ENAH: variants seen among roughly 807,000 people sequenced by gnomAD.
ENAH encodes ENAH actin regulator, also known as protein enabled homolog.
A neutral mutation model predicts 78.7 loss-of-function variants in ENAH; 23 were observed. The ratio of observed to expected loss-of-function variants is 0.29; its 90% CI spans 0.21 to 0.41. The LOEUF (loss-of-function observed/expected upper bound fraction) is 0.41. Among genes scored for constraint, ENAH ranks in the 10% least tolerant of loss-of-function variants. ENAH has a pLI of 1.00. For synonymous variants in ENAH, 226 were observed against 241.0 expected, an observed-to-expected ratio of 0.94 and a Z score of 0.58; for missense variants, 544 against 691.0, an observed-to-expected ratio of 0.79 and a Z score of 2.39.
rs549904565 is a variant in ENAH at position 225,568,639 on chromosome 1, C to T, written c.6-1225G>A. ...AAAAATTTTAAACAATAAATCATGT[C>T]GGTTCTTTCCTAAAAATTCTCAAAC... On this transcript the variant is annotated intron_variant, in intron 1 of 13. Transcript: ENST00000366843. Among the ~76,000 whole-genome samples the T allele has an allele frequency of 1.1e-4, 16 of 152,282 alleles. No individual in the cohort carries two copies. The South Asian group carries it at 3.1e-3, about 30-fold the overall frequency.
chr1:225,532,161 C>CA (rs2096541165), intron 3 of ENAH, among the ~76,000 whole-genome samples: 1 of 151,964 alleles, frequency 6.6e-6, no homozygotes, highest in South Asian at 2.1e-4. Context: ...GATGTAAAAA[C>CA]AGACTCTCCT....
rs763594857 is a variant in ENAH, at chr1:225,519,249, A to C, written c.751T>G (p.Leu251Val). 2.5e-6 allele frequency: 4 copies of C among 1,613,898 alleles called. No homozygotes were observed. The South Asian group carries it at 4.4e-5, about 18-fold the overall frequency. ...TCCCATTCCAGCTGTTCCCTTTCTA[A>C]CTGCTCTTGTCGCTCCCTTTCTTGC... ...ERQERERQEQ[L>V]EREQLEWERE... The change falls in exon 5 of 14, where the codon TTA becomes GTA. Residue 251 changes from leucine (L) to valine (V), a missense_variant. By Grantham distance (32) the Leu-to-Val change is conservative. Transcript: ENST00000366843.
intron 3 of ENAH, among the ~76,000 whole-genome samples, chr1:225,537,779 T>A (rs1306230189): frequency 6.6e-6 from 1 of 151,746 alleles, no homozygotes; most frequent in East Asian, 1.9e-4. Flanking sequence ...CAAACAGCCA[T>A]CCTTCAGGCT....
intron 1 of ENAH, among the ~76,000 whole-genome samples, chr1:225,650,878 A>C (rs898094259): frequency 6.8e-6 from 1 of 146,560 alleles, no homozygotes; most frequent in Non-Finnish European, 1.5e-5. Flanking sequence ...AAAAAAAAAA[A>C]CTTTCCCTGT....
rs1038636002 is a variant in ENAH, at chr1:225,488,697, T to C, written c.*9078A>G. 1.3e-5 allele frequency: 2 copies of C among 152,196 alleles called. No individual in the cohort carries two copies. Among genetic ancestry groups the C allele is most frequent in the African/African-American group, 4.8e-5 (2 of 41,440 alleles). The allele number at this position is 152,196 out of a possible 1,614,324, so 9.4% of individuals were successfully genotyped here. The stretch of plus-strand genomic sequence containing the variant: ...AACGAAAAGCATGTCCTATTCATGC[T>C]AGCAAGAAATGAATCCCAAAGGACA... On this transcript the variant is annotated 3_prime_UTR_variant, in exon 14 of 14. Coordinates refer to ENST00000366843, the MANE Select transcript of ENAH (RefSeq NM_018212.6).
intron 1 of ENAH, among the ~76,000 whole-genome samples, chr1:225,593,796 C>T (rs1015704836): frequency 1.3e-5 from 2 of 152,140 alleles, no homozygotes; most frequent in African/African-American, 4.8e-5. Flanking sequence ...TCCTGTGCTT[C>T]TACAAAAGGT....
At chr1:225,573,854 T>C (rs1057266240) in intron 1 of ENAH, among the ~76,000 whole-genome samples, 17 of 152,334 alleles carry the variant, frequency 1.1e-4, no homozygotes, top group African/African-American at 4.1e-4. Flanking sequence ...TTCAGAAACA[T>C]GTCTTCATCA....
intron 1 of ENAH, among the ~76,000 whole-genome samples, chr1:225,568,561 T>A (rs977388731): frequency 6.6e-6 from 1 of 152,226 alleles, no homozygotes; most frequent in East Asian, 1.9e-4. Context: ...CTGAAGTAGC[T>A]CGTGCAACCA....
intron 4 of ENAH, among the ~76,000 whole-genome samples, chr1:225,526,845 CTT>C (rs1278824001): frequency 6.6e-6 from 1 of 152,148 alleles, no homozygotes; most frequent in Non-Finnish European, 1.5e-5. Context: ...AATTTCAACT[CTT>C]TGTTTTGGTC....
At chr1:225,596,337 C>G (rs558155011) in intron 1 of ENAH, among the ~76,000 whole-genome samples, 1 of 152,318 alleles carries the variant, frequency 6.6e-6, no homozygotes, top group African/African-American at 2.4e-5. Flanking sequence ...ACTGATCCTT[C>G]TACGAGTCAG....
At chr1:225,534,451 G>C (rs947099684) in intron 3 of ENAH, among the ~76,000 whole-genome samples, 1 of 150,624 alleles carries the variant, frequency 6.6e-6, no homozygotes, top group Non-Finnish European at 1.5e-5. Flanking sequence ...TTTGCAACAC[G>C]TACTTCTTTG....
In ENAH at chr1:225,498,549, AG is replaced by A. The variant is rs1276483123; in HGVS notation, c.1618-146del. The A allele has an allele frequency of 6.8e-6, 4 of 584,224 alleles. No homozygotes were observed. In the African/African-American group the frequency reaches 7.8e-5, roughly 11 times the overall value. 36.2% of individuals were successfully genotyped at this position (584,224 alleles called of 1,614,324 possible). ...CCACAATTCTATTTCTTGGAAGACT[AG>A]CCTTGGTGAATTTTGTTTTAATATT... On this transcript the variant is annotated intron_variant, in intron 12 of 13. Transcript: ENST00000366843.
chr1:225,505,682 A>G (rs1410924337), intron 11 of ENAH, among the ~76,000 whole-genome samples: 1 of 152,240 alleles, frequency 6.6e-6, no homozygotes, highest in Admixed American at 6.5e-5. Context: ...AAGAAAAGCA[A>G]TATAGTTCTT....
chr1:225,489,544 T>C lies in ENAH; in HGVS notation c.*8231A>G, dbSNP rs745799202. On this transcript the variant is annotated 3_prime_UTR_variant, in exon 14 of 14. Transcript: ENST00000366843. ...ATGGGAGAGCCAAACTCAGATCTTTTTTCTCCTTCTCTTCAAAGATCAAAA... is the reference window on the plus strand; with the variant it reads ...ATGGGAGAGCCAAACTCAGATCTTTCTTCTCCTTCTCTTCAAAGATCAAAA... 6.6e-6 allele frequency: 1 copy of C among 152,112 alleles called. No individual in the cohort carries two copies. Among genetic ancestry groups the C allele is most frequent in the Non-Finnish European group, 1.5e-5 (1 of 68,040 alleles). 9.4% of individuals were successfully genotyped at this position (152,112 alleles called of 1,614,324 possible).
chr1:225,583,571 G>A (rs1198026511), intron 1 of ENAH, among the ~76,000 whole-genome samples: 2 of 152,082 alleles, frequency 1.3e-5, no homozygotes, highest in Admixed American at 6.5e-5. Context: ...AGCATTTTGG[G>A]AAGCAGAGGC....
intron 10 of ENAH, among the ~76,000 whole-genome samples, chr1:225,509,327 G>A (rs1340953972): frequency 6.6e-6 from 1 of 152,194 alleles, no homozygotes; most frequent in Non-Finnish European, 1.5e-5. Flanking sequence ...CGGGTGGAAG[G>A]ATGAGGGAGT....
intron 2 of ENAH, among the ~76,000 whole-genome samples, chr1:225,562,593 A>C (rs1389510942): frequency 4.0e-5 from 6 of 148,980 alleles, no homozygotes; most frequent in South Asian, 2.1e-4. Flanking sequence ...AAAAAAAAAA[A>C]AAAAAAAAAC....
intron 2 of ENAH, among the ~76,000 whole-genome samples, chr1:225,556,110 T>C (rs1404819398): frequency 6.6e-6 from 1 of 152,206 alleles, no homozygotes; most frequent in African/African-American, 2.4e-5. Flanking sequence ...TTAACCATTC[T>C]CCCATTAATG....
At chr1:225,579,567 G>C (rs1435435099) in intron 1 of ENAH, among the ~76,000 whole-genome samples, 1 of 152,128 alleles carries the variant, frequency 6.6e-6, no homozygotes, top group Non-Finnish European at 1.5e-5. Flanking sequence ...AAACATTTTA[G>C]ACATCAAACT....
Sources: allele counts gnomAD v4.1 joint callset (sites outside exome capture counted in the v4.1 genomes callset), GRCh38; gene constraint gnomAD v4.1.1; transcripts MANE v1.5; gene names NCBI Gene and HGNC (gene_info 2026-07-23, HGNC 2026-07-21).